Variants in CNKSR2 observed in about 807,000 individuals in gnomAD.
CNKSR2 encodes CNK homolog protein 2.
A neutral mutation model predicts 84.4 loss-of-function variants in CNKSR2; 14 were observed. The ratio of observed to expected loss-of-function variants is 0.17; its 90% confidence interval spans 0.11 to 0.26. The LOEUF (loss-of-function observed/expected upper bound fraction) is 0.26. CNKSR2 is among the 10% of genes least tolerant of loss of function. CNKSR2 has a pLI of 1.00. For synonymous variants in CNKSR2, 275 were observed against 277.9 expected, an observed-to-expected ratio of 0.99 and a Z score of 0.10; for missense variants, 485 against 771.2, an observed-to-expected ratio of 0.63 and a Z score of 4.40.
rs981272591 is a variant in CNKSR2 at position 21,601,295 on chromosome X, A to G, written c.1990A>G (p.Ile664Val). Residue 664 changes from isoleucine (I) to valine (V), a missense_variant, in exon 18 of 22, where the codon ATT becomes GTT. By Grantham distance (29) the Ile-to-Val change is conservative. Transcript: ENST00000379510. ...LDDMNRWLNR[I>V]NMLTAGYAER... is the part of the protein sequence containing the mutation. ...TTGTTTTCTCAGGTGGCTTAACAGA[A>G]TTAATATGCTGACTGCAGGATATGC... is the stretch of plus-strand genomic sequence containing the variant. 8.6e-7 allele frequency: 1 copy of G among 1,167,544 alleles called. No individual in the cohort carries two copies. Among genetic ancestry groups the G allele is most frequent in the East Asian group, 3.0e-5 (1 of 33,411 alleles).
At chrX:21,503,951 C>A (rs1428301741) in intron 8 of CNKSR2, 1 of 111,476 alleles carries the variant, frequency 9.0e-6, no homozygotes. Context: ...TCTTGGCATA[C>A]TGCTACTAGA....
chrX:21,640,449 A>C (rs1035961892), intron 20 of CNKSR2, among the ~76,000 whole-genome samples: 8 of 111,405 alleles, frequency 7.2e-5, no homozygotes, highest in Non-Finnish European at 1.3e-4. Flanking sequence ...CTGTATATGA[A>C]GATTATTCAG....
intron 7 of CNKSR2, among the ~76,000 whole-genome samples, chrX:21,499,244 C>T (rs1164637553): frequency 3.6e-5 from 4 of 111,473 alleles, no homozygotes; most frequent in Non-Finnish European, 7.6e-5. Context: ...TTTAACAGAC[C>T]TCTGCTTCAT....
At chrX:21,490,606 A>G in intron 6 of CNKSR2, 28 bp downstream of exon 6, 1 of 1,195,669 alleles carries the variant, frequency 8.4e-7, no homozygotes, top group Non-Finnish European at 1.1e-6. Context: ...TATCAAAACC[A>G]CCATCCATCA....
chrX:21,585,962 C>A (rs758427469), intron 13 of CNKSR2, among the ~76,000 whole-genome samples: 4 of 111,315 alleles, frequency 3.6e-5, no homozygotes, highest in African/African-American at 6.5e-5. Flanking sequence ...GCTTTAAATT[C>A]ACATACATAC....
intron 18 of CNKSR2, among the ~76,000 whole-genome samples, chrX:21,606,052 C>G (rs1602021256): frequency 8.9e-6 from 1 of 112,231 alleles, no homozygotes; most frequent in East Asian, 2.8e-4. Flanking sequence ...GAACTTCTCT[C>G]TCAGAGTTCT....
intron 5 of CNKSR2, among the ~76,000 whole-genome samples, chrX:21,488,410 A>G (rs1342122455): frequency 1.8e-5 from 2 of 111,766 alleles, no homozygotes; most frequent in African/African-American, 6.5e-5. Flanking sequence ...GTGAATCTCA[A>G]GGATATAAAA....
intron 8 of CNKSR2, among the ~76,000 whole-genome samples, chrX:21,510,509 T>C (rs779400722): frequency 5.4e-5 from 6 of 111,348 alleles, no homozygotes; most frequent in Non-Finnish European, 1.1e-4. Context: ...GGGCAAGTTC[T>C]AAAGGGGTCA....
intron 5 of CNKSR2, among the ~76,000 whole-genome samples, chrX:21,483,922 A>G (rs2091350917): frequency 8.9e-6 from 1 of 111,931 alleles, no homozygotes; most frequent in African/African-American, 3.2e-5. Flanking sequence ...TACAATGCAC[A>G]TGTCATCCTA....
rs376331814 is a variant in CNKSR2, at chrX:21,554,320, C to T, written c.1304-7151C>T. The stretch of plus-strand genomic sequence containing the variant: ...AGGAAAATACACAACCACAATGGAG[C>T]TTATTCTTGGAAATGATTTTTTTAA... On this transcript the variant is annotated intron_variant, in intron 11 of 21. Transcript: ENST00000379510. 3.2e-4 allele frequency among the ~76,000 whole-genome samples: 36 copies of T among 111,804 alleles called. No individual in the cohort carries two copies. The East Asian group carries it at 3.7e-3, about 11-fold the overall frequency.
chrX:21,470,291 A>C (rs2147142453), intron 4 of CNKSR2, among the ~76,000 whole-genome samples: 1 of 111,703 alleles, frequency 9.0e-6, no homozygotes, highest in African/African-American at 3.2e-5. Flanking sequence ...AAGTATATTT[A>C]ATAGCTTGCA....
chrX:21,480,563 G>A (rs1402626600), intron 5 of CNKSR2, among the ~76,000 whole-genome samples: 1 of 111,681 alleles, frequency 9.0e-6, no homozygotes, highest in Non-Finnish European at 1.9e-5. Context: ...TCTGTTTCCT[G>A]CCTATGAAAC....
At chrX:21,640,486 G>A (rs191667858) in intron 20 of CNKSR2, among the ~76,000 whole-genome samples, 58 of 111,641 alleles carry the variant, frequency 5.2e-4, no homozygotes, top group African/African-American at 1.8e-3. Flanking sequence ...TGCAAAAAGA[G>A]TATAATATTA....
intron 20 of CNKSR2, among the ~76,000 whole-genome samples, chrX:21,619,088 A>G (rs928731974): frequency 3.6e-5 from 4 of 112,154 alleles, no homozygotes; most frequent in African/African-American, 1.3e-4. Context: ...TGCAAAATTT[A>G]TAAGACTAGT....
chrX:21,436,659 T>C (rs942831228), intron 3 of CNKSR2, among the ~76,000 whole-genome samples: 16 of 111,885 alleles, frequency 1.4e-4, no homozygotes, highest in Non-Finnish European at 2.4e-4. Context: ...TACCCTGAAC[T>C]CTACTTGAGG....
chrX:21,563,868 A>G (rs1234123561), intron 13 of CNKSR2, among the ~76,000 whole-genome samples: 1 of 111,148 alleles, frequency 9.0e-6, no homozygotes, highest in Non-Finnish European at 1.9e-5. Flanking sequence ...TAAAATGGGA[A>G]GACGTGAGAC....
intron 1 of CNKSR2, among the ~76,000 whole-genome samples, chrX:21,375,413 C>T (rs2089795839): frequency 8.9e-6 from 1 of 112,214 alleles, no homozygotes; most frequent in African/African-American, 3.2e-5. Flanking sequence ...CAGGTGCCTT[C>T]CCCAGCGCCA....
intron 5 of CNKSR2, among the ~76,000 whole-genome samples, chrX:21,486,334 G>T (rs1601851476): frequency 9.0e-6 from 1 of 111,178 alleles, no homozygotes; most frequent in Admixed American, 9.6e-5. Context: ...AAGAACACTT[G>T]CAAGCCTGCC....
chrX:21,605,969 G>T (rs760157266), intron 18 of CNKSR2, among the ~76,000 whole-genome samples: 1 of 111,815 alleles, frequency 8.9e-6, no homozygotes, highest in African/African-American at 3.2e-5. Context: ...GCAGTTACAG[G>T]GTGGTTGGAA....
Sources: allele counts gnomAD v4.1 joint callset (sites outside exome capture counted in the v4.1 genomes callset), GRCh38; gene constraint gnomAD v4.1.1; transcripts MANE v1.5; gene names NCBI Gene and HGNC (gene_info 2026-07-23, HGNC 2026-07-21).